Variants in PPP2R5E observed in about 807,000 individuals in gnomAD.
The protein encoded by PPP2R5E is serine/threonine-protein phosphatase 2A 56 kDa regulatory subunit epsilon isoform.
In PPP2R5E, 4 loss-of-function variants were observed where a neutral mutation model predicts 65.3. The ratio of observed to expected loss-of-function variants is 0.06; its 90% CI spans 0.03 to 0.14. The LOEUF (loss-of-function observed/expected upper bound fraction) is 0.14, where lower values mean the gene tolerates loss of function less well. PPP2R5E is among the 10% of genes least tolerant of loss of function. The pLI is 1.00. For missense variants in PPP2R5E, 274 were observed against 556.1 expected, an observed-to-expected ratio of 0.49 and a Z score of 5.10; for synonymous variants, 183 against 187.4, an observed-to-expected ratio of 0.98 and a Z score of 0.19.
chr14:63,490,619 CA>C (rs1250898086), intron 2 of PPP2R5E, among the ~76,000 whole-genome samples: 6 of 152,010 alleles, frequency 3.9e-5, no homozygotes, highest in Admixed American at 3.9e-4. Context: ...AAGCAGTCAA[CA>C]AGCCTATGAA....
At chr14:63,403,414 A>G (rs1013148934) in intron 5 of PPP2R5E, among the ~76,000 whole-genome samples, 10 of 149,206 alleles carry the variant, frequency 6.7e-5, no homozygotes, top group African/African-American at 2.2e-4. Context: ...AAAAAAATGT[A>G]GGCAGAATAA....
intron 2 of PPP2R5E, among the ~76,000 whole-genome samples, chr14:63,536,665 T>C (rs1181669674): frequency 6.6e-6 from 1 of 152,208 alleles, no homozygotes; most frequent in Non-Finnish European, 1.5e-5. Context: ...ATATGGTATG[T>C]ATATACACTG....
At chr14:63,525,454 A>T (rs552118678) in intron 2 of PPP2R5E, among the ~76,000 whole-genome samples, 19 of 152,354 alleles carry the variant, frequency 1.2e-4, no homozygotes, top group African/African-American at 4.6e-4. Flanking sequence ...CAGGAAAGAC[A>T]TACAGGAGAA....
Position 63,387,288 on chromosome 14 carries a change from T to C in PPP2R5E, c.1074+2324A>G, listed in dbSNP as rs77196693. On this transcript the variant is annotated intron_variant, in intron 11 of 13. Coordinates refer to ENST00000337537, the MANE Select transcript of PPP2R5E (RefSeq NM_006246.5). Reference sequence around the variant, plus strand: ...CTCTAACAACTTCCTTAATCTCTTATATATCCATTTTAATATGTAAACCCA... The same window carrying C: ...CTCTAACAACTTCCTTAATCTCTTACATATCCATTTTAATATGTAAACCCA... Among the ~76,000 whole-genome samples, 9 of 152,346 alleles carry C rather than the reference T, an allele frequency of 5.9e-5. No individual in the cohort carries two copies. The East Asian group carries it at 1.7e-3, about 29-fold the overall frequency.
intron 10 of PPP2R5E, among the ~76,000 whole-genome samples, chr14:63,390,108 C>A (rs908568098): frequency 1.3e-5 from 2 of 151,892 alleles, no homozygotes; most frequent in Non-Finnish European, 2.9e-5. Flanking sequence ...GAGAAGGTGG[C>A]CCTCCTAAAT....
intron 7 of PPP2R5E, among the ~76,000 whole-genome samples, chr14:63,394,771 C>T (rs373078120): frequency 6.6e-6 from 1 of 152,342 alleles, no homozygotes. Flanking sequence ...ACTTACACCA[C>T]AGCTCTTTCC....
chr14:63,480,499 G>A lies in PPP2R5E; in HGVS notation c.158-26614C>T, dbSNP rs181649767. Among the ~76,000 whole-genome samples, 367 of 152,280 alleles carry A rather than the reference G, an allele frequency of 2.4e-3. 3 individuals are homozygous for A. Among genetic ancestry groups the A allele is most frequent in the African/African-American group, 8.4e-3 (349 of 41,556 alleles). ...CTTACTCTGTTACCCAGGCTGAAGT[G>A]CAGTAGAGTGATCATAGTTCAATGC... On this transcript the variant is annotated intron_variant, in intron 2 of 13. Transcript: ENST00000337537.
intron 5 of PPP2R5E, among the ~76,000 whole-genome samples, chr14:63,409,930 G>A (rs2139844541): frequency 6.6e-6 from 1 of 152,288 alleles, no homozygotes; most frequent in Non-Finnish European, 1.5e-5. Context: ...AGTTTCTTCT[G>A]ACCCCAAAGT....
intron 11 of PPP2R5E, among the ~76,000 whole-genome samples, chr14:63,386,405 T>C (rs897671525): frequency 6.6e-6 from 1 of 152,212 alleles, no homozygotes; most frequent in African/African-American, 2.4e-5. Flanking sequence ...CAAGGTCACA[T>C]GGCTAGTAAG....
At chr14:63,455,848 T>C (rs1889097988) in intron 2 of PPP2R5E, among the ~76,000 whole-genome samples, 1 of 151,978 alleles carries the variant, frequency 6.6e-6, no homozygotes, top group African/African-American at 2.4e-5. Flanking sequence ...TTTTTTAGTT[T>C]GAGATGAAGT....
chr14:63,434,207 T>C (rs1566699521), intron 3 of PPP2R5E, among the ~76,000 whole-genome samples: 1 of 152,180 alleles, frequency 6.6e-6, no homozygotes, highest in Non-Finnish European at 1.5e-5. Context: ...AAAATCAGTC[T>C]CTTTTTAGTG....
chr14:63,541,784 T>A (rs1469771006), intron 1 of PPP2R5E, among the ~76,000 whole-genome samples: 1 of 152,212 alleles, frequency 6.6e-6, no homozygotes, highest in Admixed American at 6.5e-5. Context: ...ACATATGATG[T>A]TGACGTTTGG....
chr14:63,464,162 G>C (rs1006595588), intron 2 of PPP2R5E, among the ~76,000 whole-genome samples: 1 of 152,128 alleles, frequency 6.6e-6, no homozygotes, highest in Non-Finnish European at 1.5e-5. Context: ...CCCACCAACA[G>C]CCAGGGACTA....
chr14:63,436,827 T>G (rs1566701356), intron 3 of PPP2R5E, among the ~76,000 whole-genome samples: 1 of 152,204 alleles, frequency 6.6e-6, no homozygotes, highest in Non-Finnish European at 1.5e-5. Flanking sequence ...CACTGCCTTC[T>G]GATTATTTTA....
chr14:63,528,882 T>G (rs952539304), intron 2 of PPP2R5E, among the ~76,000 whole-genome samples: 1 of 152,064 alleles, frequency 6.6e-6, no homozygotes, highest in African/African-American at 2.4e-5. Context: ...GCCCTAGAGA[T>G]AAGAAAAACA....
rs79903774 is a variant in PPP2R5E at position 63,424,460 on chromosome 14, A to C, written c.355-2366T>G. ...TTGGAAAGGAGTAAACAAAAAGAAG[A>C]GAAAGGGTCGGCCGGGCGCGGTGGC... On this transcript the variant is annotated intron_variant, in intron 3 of 13. Transcript: ENST00000337537. 5.3e-5 allele frequency among the ~76,000 whole-genome samples: 8 copies of C among 152,218 alleles called. No individual in the cohort carries two copies. In the East Asian group the frequency reaches 1.5e-3, roughly 29 times the overall value.
At chr14:63,389,591 C>A in intron 11 of PPP2R5E, 21 bp downstream of exon 11, 1 of 1,588,940 alleles carries the variant, frequency 6.3e-7, no homozygotes, top group South Asian at 1.2e-5. Flanking sequence ...CTCCCTGGCT[C>A]ATGTCCTCTT....
chr14:63,491,477 A>T (rs1891282683), intron 2 of PPP2R5E, among the ~76,000 whole-genome samples: 1 of 152,178 alleles, frequency 6.6e-6, no homozygotes. Context: ...GAATCTAAAA[A>T]TAGCTCATTT....
chr14:63,433,959 A>G (rs1174707373), intron 3 of PPP2R5E, among the ~76,000 whole-genome samples: 1 of 152,190 alleles, frequency 6.6e-6, no homozygotes, highest in Non-Finnish European at 1.5e-5. Context: ...TCTAGCTTCC[A>G]AAATGTTAAT....
Sources: allele counts gnomAD v4.1 joint callset (sites outside exome capture counted in the v4.1 genomes callset), GRCh38; gene constraint gnomAD v4.1.1; transcripts MANE v1.5; gene names NCBI Gene and HGNC (gene_info 2026-07-23, HGNC 2026-07-21).